INSYN2B: variants seen among roughly 807,000 people sequenced by gnomAD.
INSYN2B encodes inhibitory synaptic factor family member 2B, also known as protein INSYN2B.
A neutral mutation model predicts 41.2 loss-of-function variants in INSYN2B; 16 were observed. The observed-to-expected ratio is 0.39, with a 90% CI of 0.26 to 0.59. The LOEUF (loss-of-function observed/expected upper bound fraction) is 0.59. Among genes scored for constraint, INSYN2B ranks in the 20% least tolerant of loss-of-function variants. The pLI is 0.57. For synonymous variants in INSYN2B, 245 were observed against 244.4 expected, an observed-to-expected ratio of 1.00 and a Z score of -0.02; for missense variants, 608 against 646.4, an observed-to-expected ratio of 0.94 and a Z score of 0.64.
chr5:169,953,344 A>AG (rs1436021375), intron 1 of INSYN2B, among the ~76,000 whole-genome samples: 1 of 151,716 alleles, frequency 6.6e-6, no homozygotes, highest in Non-Finnish European at 1.5e-5. Flanking sequence ...AAAAAAAAAA[A>AG]AAAAGAGAGA....
chr5:169,961,232 C>G lies in INSYN2B; in HGVS notation c.-919+19045G>C, dbSNP rs116598020. Among the ~76,000 whole-genome samples the G allele has an allele frequency of 1.9e-3, 285 of 152,302 alleles. 2 individuals carry two copies. The highest frequency in any genetic ancestry group is 6.7e-3 in the African/African-American group (278 of 41,558). Reference sequence around the variant, plus strand: ...GGCAATTAATGGATCATCATCATCTCTAACATTTCCACACCTAGGATAAAT... The same window carrying G: ...GGCAATTAATGGATCATCATCATCTGTAACATTTCCACACCTAGGATAAAT... On this transcript the variant is annotated intron_variant, in intron 1 of 3. Transcript: ENST00000377365.
intron 1 of INSYN2B, among the ~76,000 whole-genome samples, chr5:169,895,900 A>G (rs1291454873): frequency 1.3e-5 from 2 of 152,002 alleles, no homozygotes; most frequent in African/African-American, 4.8e-5. Flanking sequence ...TTGGCTTCCA[A>G]CCTTCCTTCC....
intron 1 of INSYN2B, among the ~76,000 whole-genome samples, chr5:169,944,391 A>G (rs1336847381): frequency 6.6e-6 from 1 of 152,190 alleles, no homozygotes; most frequent in East Asian, 1.9e-4. Context: ...TCAAAAATAG[A>G]ACGTGGCAGC....
intron 1 of INSYN2B, among the ~76,000 whole-genome samples, chr5:169,897,187 G>A (rs1425470633): frequency 2.0e-5 from 3 of 152,072 alleles, no homozygotes; most frequent in Non-Finnish European, 4.4e-5. Context: ...TTGAAGAAAT[G>A]TGAGCTCTTT....
intron 3 of INSYN2B, among the ~76,000 whole-genome samples, chr5:169,865,649 G>C (rs972885343): frequency 3.9e-5 from 6 of 152,214 alleles, no homozygotes; most frequent in Non-Finnish European, 7.3e-5. Context: ...TTTCATACCA[G>C]GGGTCTCAGA....
At chr5:169,902,115 G>C (rs1265052386) in intron 1 of INSYN2B, among the ~76,000 whole-genome samples, 2 of 152,176 alleles carry the variant, frequency 1.3e-5, no homozygotes, top group Admixed American at 6.5e-5. Flanking sequence ...GATCTGTAGG[G>C]TTAATGCCAT....
At chr5:169,977,676 G>C (rs962334124) in intron 1 of INSYN2B, among the ~76,000 whole-genome samples, 1 of 152,140 alleles carries the variant, frequency 6.6e-6, no homozygotes, top group Non-Finnish European at 1.5e-5. Flanking sequence ...AAGCTCTTTA[G>C]AGTACTGCCT....
chr5:169,919,718 G>A (rs1240685517), intron 1 of INSYN2B, among the ~76,000 whole-genome samples: 1 of 152,112 alleles, frequency 6.6e-6, no homozygotes, highest in East Asian at 1.9e-4. Context: ...CCTTTCCCCT[G>A]GCGATTCTCT....
intron 1 of INSYN2B, among the ~76,000 whole-genome samples, chr5:169,928,483 A>G (rs1207114716): frequency 6.6e-6 from 1 of 152,214 alleles, no homozygotes; most frequent in African/African-American, 2.4e-5. Context: ...TTCCCCATGC[A>G]TCAGTGCTGC....
At chr5:169,868,814 G>A (rs1771760721) in intron 3 of INSYN2B, among the ~76,000 whole-genome samples, 1 of 152,154 alleles carries the variant, frequency 6.6e-6, no homozygotes, top group Non-Finnish European at 1.5e-5. Context: ...TATGGAACTT[G>A]CAGGCCTGGG....
intron 1 of INSYN2B, among the ~76,000 whole-genome samples, chr5:169,961,151 G>A (rs1395909027): frequency 6.6e-6 from 1 of 152,202 alleles, no homozygotes; most frequent in African/African-American, 2.4e-5. Flanking sequence ...TCAGTCATAT[G>A]TCCTACAATT....
chr5:169,864,532 C>A, intron 3 of INSYN2B, 73 bp from the exon 4 acceptor site: 1 of 1,166,938 alleles, frequency 8.6e-7, no homozygotes, highest in Non-Finnish European at 1.2e-6. Flanking sequence ...CTCTCAGCCC[C>A]AACTAATATG....
rs1292113355 is a variant in INSYN2B at position 169,883,556 on chromosome 5, G to A, written c.343C>T (p.Leu115Phe). Residue 115 changes from leucine (L) to phenylalanine (F), a missense_variant, in exon 2 of 4, where the codon CTC becomes TTC. Coordinates refer to ENST00000377365, the MANE Select transcript of INSYN2B (RefSeq NM_001129891.3). The part of the protein sequence containing the change: ...KHFPVFKRKR[L>F]TASKSLVEMP... ...TCCACCAGGGACTTACTGGCTGTGA[G>A]TCTCTTCCTTTTGAAAACTGGGAAA... is the stretch of plus-strand genomic sequence containing the variant. 4.5e-6 allele frequency: 7 copies of A among 1,551,566 alleles called. No homozygotes were observed. In the African/African-American group the frequency reaches 9.6e-5, roughly 21 times the overall value.
chr5:169,923,034 G>A (rs1045583113), intron 1 of INSYN2B, among the ~76,000 whole-genome samples: 4 of 152,178 alleles, frequency 2.6e-5, no homozygotes, highest in African/African-American at 9.7e-5. Context: ...CACAGATGTG[G>A]AAACTAATAT....
chr5:169,901,479 C>T (rs1271968229), intron 1 of INSYN2B, among the ~76,000 whole-genome samples: 2 of 152,028 alleles, frequency 1.3e-5, no homozygotes, highest in African/African-American at 4.8e-5. Context: ...TATATTAACA[C>T]GTTTGCATTT....
Position 169,961,978 on chromosome 5 carries a change from C to CAAAAAAAAAAAAAAAAAAAAAAAAA in INSYN2B, c.-919+18298_-919+18299insTTTTTTTTTTTTTTTTTTTTTTTTT, listed in dbSNP as rs70979150. Among the ~76,000 whole-genome samples the CAAAAAAAAAAAAAAAAAAAAAAAAA allele has an allele frequency of 3.2e-4, 24 of 74,634 alleles. 7 individuals carry two copies. Among genetic ancestry groups the CAAAAAAAAAAAAAAAAAAAAAAAAA allele is most frequent in the African/African-American group, 8.1e-4 (12 of 14,776 alleles). 49.0% of individuals were successfully genotyped at this position (74,634 alleles called of 152,430 possible). A position where few individuals can be genotyped will look rare whatever the true frequency, so the allele number is the denominator to read the frequency against. On this transcript the variant is annotated intron_variant, in intron 1 of 3. Coordinates refer to ENST00000377365, the MANE Select transcript of INSYN2B (RefSeq NM_001129891.3). ...TGGGTGAAAAAGTGAGACTCTGTCC[C>CAAAAAAAAAAAAAAAAAAAAAAAAA]AAAAAAAAAAAAAAAAATGGAGAAA...
chr5:169,955,777 C>A (rs761334998), intron 1 of INSYN2B, among the ~76,000 whole-genome samples: 4 of 152,174 alleles, frequency 2.6e-5, no homozygotes, highest in Non-Finnish European at 5.9e-5. Flanking sequence ...TCCTGCCTCC[C>A]AGGGCTTTAG....
At chr5:169,936,038 C>A (rs981945753) in intron 1 of INSYN2B, among the ~76,000 whole-genome samples, 1 of 152,106 alleles carries the variant, frequency 6.6e-6, no homozygotes, top group South Asian at 2.1e-4. Flanking sequence ...GGGGGAACAA[C>A]TGTAAAGAAG....
At chr5:169,974,379 G>C (rs1777638157) in intron 1 of INSYN2B, among the ~76,000 whole-genome samples, 1 of 152,096 alleles carries the variant, frequency 6.6e-6, no homozygotes, top group Non-Finnish European at 1.5e-5. Context: ...TCTTTCTTCT[G>C]GTTTTTTCTT....
Sources: allele counts gnomAD v4.1 joint callset (sites outside exome capture counted in the v4.1 genomes callset), GRCh38; gene constraint gnomAD v4.1.1; transcripts MANE v1.5; gene names NCBI Gene and HGNC (gene_info 2026-07-23, HGNC 2026-07-21).